SCMH1: variants seen among roughly 807,000 people sequenced by gnomAD.
SCMH1 encodes the protein Scm polycomb group protein homolog 1.
SCMH1 carries 37 observed loss-of-function variants against 70.8 expected under a neutral mutation model. The observed-to-expected ratio is 0.52, with a 90% CI of 0.40 to 0.69. The LOEUF is 0.69. Ranked by LOEUF, SCMH1 falls within the 30% of genes least tolerant of loss-of-function variation. The probability of loss-of-function intolerance (pLI) is 0.00; values close to 1 mark genes in which losing one functional copy is unlikely to be tolerated. For missense variants in SCMH1, 607 were observed against 827.3 expected, an observed-to-expected ratio of 0.73 and a Z score of 3.27; for synonymous variants, 292 against 307.4, an observed-to-expected ratio of 0.95 and a Z score of 0.52.
rs185780199 is a variant in SCMH1 at position 41,176,609 on chromosome 1, C to T, written c.13+9512G>A. Among the ~76,000 whole-genome samples, 155 of 152,330 alleles carry T rather than the reference C, an allele frequency of 1.0e-3. 1 individual carries two copies. Among genetic ancestry groups the T allele is most frequent in the African/African-American group, 3.1e-3 (130 of 41,586 alleles). ...CGGCACACCAGGAGATTATATCCCG[C>T]GCCTGGCTCGGAGGGTCCTATGCCC... is the stretch of plus-strand genomic sequence containing the variant. On this transcript the variant is annotated intron_variant, in intron 2 of 14. Coordinates refer to ENST00000337495, the Ensembl canonical transcript of SCMH1.
chr1:41,152,884 G>C (rs561297999), intron 4 of SCMH1: 5 of 768,970 alleles, frequency 6.5e-6, no homozygotes, highest in Non-Finnish European at 9.9e-6. Context: ...AAATAGATTT[G>C]GCCAGAAATC....
intron 13 of SCMH1, 132 bp from the exon 15 acceptor site, chr1:41,028,858 G>A (rs1644108059): frequency 2.1e-6 from 2 of 958,604 alleles, no homozygotes; most frequent in African/African-American, 1.6e-5. Context: ...TGAGGAACTG[G>A]AGATAGCTGG....
chr1:41,232,144 T>C (rs1349463123), intron 1 of SCMH1, among the ~76,000 whole-genome samples: 1 of 152,168 alleles, frequency 6.6e-6, no homozygotes, highest in Non-Finnish European at 1.5e-5. Context: ...AGTTATTATA[T>C]CTGTCACCTA....
intron 11 of SCMH1, among the ~76,000 whole-genome samples, chr1:41,048,043 G>A (rs1647063598): frequency 6.6e-6 from 1 of 152,136 alleles, no homozygotes; most frequent in African/African-American, 2.4e-5. Flanking sequence ...GAGGGGCAGG[G>A]GAATATGGAA....
At chr1:41,209,590 G>A (rs1363355838) in intron 1 of SCMH1, among the ~76,000 whole-genome samples, 3 of 152,118 alleles carry the variant, frequency 2.0e-5, no homozygotes, top group South Asian at 2.1e-4. Context: ...GTAATTCATC[G>A]CATAAACAGA....
At chr1:41,172,058 G>A (rs181416328) in intron 2 of SCMH1, among the ~76,000 whole-genome samples, 1 of 152,154 alleles carries the variant, frequency 6.6e-6, no homozygotes, top group East Asian at 1.9e-4. Flanking sequence ...CCAGGATGGA[G>A]GCACATGCCT....
chr1:41,058,378 G>GTTTGTTTTTTTTTT (rs1651270627), intron 10 of SCMH1, among the ~76,000 whole-genome samples: 1 of 81,640 alleles, frequency 1.2e-5, no homozygotes, highest in African/African-American at 5.1e-5. Flanking sequence ...TTTCTTTCTT[G>GTTTGTTTTTTTTTT]TTTTTTTTTT....
intron 10 of SCMH1, among the ~76,000 whole-genome samples, chr1:41,058,140 AAG>A (rs376344174): frequency 0.053 from 7,980 of 149,420 alleles, 296 homozygotes; most frequent in South Asian, 0.1. Context: ...AAAAAAGAAA[AAG>A]AAAAAAAATG....
At chr1:41,095,496 T>C (rs765784412) in intron 8 of SCMH1, among the ~76,000 whole-genome samples, 13 of 152,154 alleles carry the variant, frequency 8.5e-5, no homozygotes, top group Non-Finnish European at 1.3e-4. Flanking sequence ...TTTCCTCTGG[T>C]TTGTAATAAG....
At position 41,061,171 on chromosome 1, in the gene SCMH1, C is replaced by T. The variant is rs193267405; in HGVS notation, c.1105+9424G>A. Among the ~76,000 whole-genome samples the T allele has an allele frequency of 2.1e-4, 32 of 150,070 alleles. No individual in the cohort carries two copies. The East Asian group carries it at 5.5e-3, about 26-fold the overall frequency. ...GGAGACATTTAGTTTATAGTTTAAA[C>T]GATAATAGCCCTTCCCCAAAACTAA... On this transcript the variant is annotated intron_variant, in intron 10 of 14. Transcript: ENST00000337495.
At chr1:41,184,276 G>A (rs1418829853) in intron 2 of SCMH1, among the ~76,000 whole-genome samples, 1 of 151,950 alleles carries the variant, frequency 6.6e-6, no homozygotes, top group Admixed American at 6.6e-5. Context: ...TCCATCTCAG[G>A]TATTATTAAT....
chr1:41,065,528 A>C (rs142461057), intron 10 of SCMH1, among the ~76,000 whole-genome samples: 1 of 152,342 alleles, frequency 6.6e-6, no homozygotes, highest in Non-Finnish European at 1.5e-5. Context: ...AAAGACCCAG[A>C]ACGAAGCCAG....
chr1:41,065,735 T>C (rs1337140551), intron 10 of SCMH1, among the ~76,000 whole-genome samples: 1 of 152,062 alleles, frequency 6.6e-6, no homozygotes, highest in African/African-American at 2.4e-5. Flanking sequence ...TTTCAACAAA[T>C]GGTTCTCAAA....
At chr1:41,213,544 G>A (rs1443673933) in intron 1 of SCMH1, among the ~76,000 whole-genome samples, 1 of 152,064 alleles carries the variant, frequency 6.6e-6, no homozygotes, top group Non-Finnish European at 1.5e-5. Context: ...TCATGTGACA[G>A]GTTCCTAGAG....
intron 10 of SCMH1, among the ~76,000 whole-genome samples, chr1:41,067,622 CAG>C: frequency 6.6e-6 from 1 of 152,116 alleles, no homozygotes; most frequent in Admixed American, 6.5e-5. Context: ...AGACAATAAA[CAG>C]ATCAGTGGTT....
chr1:41,118,017 T>C (rs990307413), intron 6 of SCMH1, among the ~76,000 whole-genome samples: 2 of 152,140 alleles, frequency 1.3e-5, no homozygotes, highest in Admixed American at 6.5e-5. Flanking sequence ...TACACTCTCT[T>C]GTCTCCGCAC....
At chr1:41,158,957 G>C (rs907413288) in intron 4 of SCMH1, among the ~76,000 whole-genome samples, 1 of 152,078 alleles carries the variant, frequency 6.6e-6, no homozygotes, top group Non-Finnish European at 1.5e-5. Flanking sequence ...GCAAATTTTT[G>C]ACCAATAAAT....
intron 8 of SCMH1, among the ~76,000 whole-genome samples, chr1:41,099,898 G>A (rs1038106586): frequency 4.6e-5 from 7 of 152,142 alleles, no homozygotes; most frequent in African/African-American, 1.7e-4. Context: ...ATGATGCTCA[G>A]TAAACATGCT....
At chr1:41,202,340 T>A in intron 1 of SCMH1, among the ~76,000 whole-genome samples, 1 of 152,062 alleles carries the variant, frequency 6.6e-6, no homozygotes, top group East Asian at 1.9e-4. Context: ...AGCCTTTTTT[T>A]TTTTTCCCTC....
Sources: gnomAD v4.1 joint callset for allele counts (sites outside exome capture counted in the v4.1 genomes callset) on GRCh38, gnomAD v4.1.1 for gene constraint, MANE v1.5 for transcripts, NCBI Gene and HGNC (gene_info 2026-07-23, HGNC 2026-07-21) for gene names.